The following LTO1 variants were observed in gnomAD, a reference collection of about 807,000 sequenced individuals.
LTO1 encodes LTO1 maturation factor of ABCE1.
Under a neutral mutation model 19.8 loss-of-function variants are expected in LTO1, and 18 were observed. That is an observed-to-expected ratio of 0.91 (90% CI 0.63 to 1.35). LTO1 has a LOEUF of 1.35. LTO1 is among the 40% of genes most tolerant of loss of function. The pLI is 0.00. For synonymous variants in LTO1, 59 were observed against 59.6 expected (o/e 0.99, Z 0.05); for missense variants, 175 against 167.9 (o/e 1.04, Z -0.23).
chr11:69,670,830 T>C (rs1856098896), intron 3 of LTO1, among the ~76,000 whole-genome samples: 1 of 152,300 alleles, frequency 6.6e-6, no homozygotes, highest in Middle Eastern at 3.4e-3. Context: ...CATTTCCAGC[T>C]TCAGAATGAA....
chr11:69,672,090 A>C (rs78639765), intron 2 of LTO1: 5,425 of 424,880 alleles, frequency 0.013, 269 homozygotes, highest in African/African-American at 0.1. Flanking sequence ...TTTCGTAACC[A>C]ACAGAATGTG....
intron 1 of LTO1, among the ~76,000 whole-genome samples, chr11:69,673,551 G>T (rs1016839472): frequency 6.6e-6 from 1 of 152,032 alleles, no homozygotes; most frequent in African/African-American, 2.4e-5. Context: ...CTACAACAAA[G>T]GGCTAAATTA....
intron 2 of LTO1, 115 bp downstream of exon 2, chr11:69,673,101 C>A (rs1257006128): frequency 2.6e-6 from 2 of 763,432 alleles, no homozygotes; most frequent in Non-Finnish European, 4.8e-6. Flanking sequence ...CCGCGCCCAT[C>A]CGGCACTGTG....
intron 3 of LTO1, among the ~76,000 whole-genome samples, chr11:69,670,463 C>T (rs886306633): frequency 4.6e-5 from 7 of 152,210 alleles, no homozygotes; most frequent in Admixed American, 1.3e-4. Context: ...CCCCAGCTGC[C>T]GGCCGCTGCC....
chr11:69,667,765 G>T, intron 4 of LTO1, 130 bp downstream of exon 4: 1 of 715,504 alleles, frequency 1.4e-6, no homozygotes. Context: ...AGGATGAGGC[G>T]CCTCTACGGA....
At chr11:69,669,080 G>A (rs1403477638) in intron 3 of LTO1, among the ~76,000 whole-genome samples, 2 of 151,876 alleles carry the variant, frequency 1.3e-5, no homozygotes, top group South Asian at 2.1e-4. Flanking sequence ...GCACAGAGTA[G>A]GTGCTCAATA....
At chr11:69,668,494 G>A (rs1771467066) in intron 3 of LTO1, 1 of 154,906 alleles carries the variant, frequency 6.5e-6, no homozygotes, top group Non-Finnish European at 1.4e-5. Flanking sequence ...CCTCCCCAGG[G>A]AGGAAACAGC....
At chr11:69,672,832 TCATCC>T in intron 2 of LTO1, 1 of 319,608 alleles carries the variant, frequency 3.1e-6, no homozygotes, top group Non-Finnish European at 6.2e-6. Context: ...AGATGGAGTT[TCATCC>T]TGTCGCCCAG....
chr11:69,675,075 A>G (rs757049143), intron 1 of LTO1, 115 bp downstream of exon 1: 3 of 912,314 alleles, frequency 3.3e-6, no homozygotes, highest in South Asian at 2.8e-5. Context: ...GCGCTCCCCA[A>G]TGCGCACGCC....
chr11:69,671,922 C>A, intron 2 of LTO1, 103 bp from the exon 3 acceptor site: 1 of 743,298 alleles, frequency 1.3e-6, no homozygotes, highest in Non-Finnish European at 2.4e-6. Flanking sequence ...GGCAGCGGTG[C>A]TTCTCACACT....
chr11:69,667,920 T>C lies in LTO1; in HGVS notation c.320A>G (p.Asp107Gly). ...PTYDKLHEDL[D>G]KIRGKFKQFC... Reference sequence around the variant, plus strand: ...CTGTTTAAATTTTCCTCTGATCTTGTCTAAGTCTTCATGGAGTTTATCGTA... The same window carrying C: ...CTGTTTAAATTTTCCTCTGATCTTGCCTAAGTCTTCATGGAGTTTATCGTA... The change falls in exon 4 of 5, where the codon GAC (aspartate) becomes GGC (glycine). Residue 107 changes from aspartate (D) to glycine (G), a missense_variant. By Grantham distance (94) the Asp-to-Gly change is moderately conservative. Transcript: ENST00000279147. 1 of 1,556,348 alleles carries C rather than the reference T, an allele frequency of 6.4e-7. No individual in the cohort carries two copies. The highest frequency in any genetic ancestry group is 8.9e-7 in the Non-Finnish European group (1 of 1,127,188).
chr11:69,669,873 G>A lies in LTO1; in HGVS notation c.228-1861C>T, dbSNP rs890174955. On this transcript the variant is annotated intron_variant, in intron 3 of 4. Transcript: ENST00000279147. ...CTTTTGGCCTGAGATGCCGCTCTCC[G>A]TGGTTTCTTTGGTGTTACAATGCCC... Among the ~76,000 whole-genome samples, 11 of 152,196 alleles carry A rather than the reference G, an allele frequency of 7.2e-5. No individual in the cohort carries two copies. In the East Asian group the frequency reaches 7.7e-4, roughly 11 times the overall value.
Position 69,675,043 on chromosome 11 carries a change from T to G in LTO1, c.50+147A>C, listed in dbSNP as rs571587723. 120 of 728,664 alleles carry G rather than the reference T, an allele frequency of 1.6e-4. 1 individual carries two copies. In the African/African-American group the frequency reaches 1.8e-3, roughly 11 times the overall value. The allele number at this position is 728,664 out of a possible 1,614,324, so 45.1% of individuals were successfully genotyped here. A position where few individuals can be genotyped will look rare whatever the true frequency, so the allele number is the denominator to read the frequency against. ...GACCAGAGCATCAGGCCCACACTTG[T>G]CCCTGCGTCCACGGCCACCAGGCGC... On this transcript the variant is annotated intron_variant, in intron 1 of 4. Coordinates refer to ENST00000279147, the MANE Select transcript of LTO1 (RefSeq NM_153451.3).
In LTO1 at chr11:69,667,331, C is replaced by T; in HGVS notation, c.*188G>A. The T allele has an allele frequency of 1.7e-6, 1 of 600,348 alleles. No individual in the cohort carries two copies. The highest frequency in any genetic ancestry group is 3.0e-6 in the Non-Finnish European group (1 of 336,890). The allele number at this position is 600,348 out of a possible 1,614,324, so 37.2% of individuals were successfully genotyped here. On this transcript the variant is annotated 3_prime_UTR_variant, in exon 5 of 5. Coordinates refer to ENST00000279147, the MANE Select transcript of LTO1 (RefSeq NM_153451.3). ...ACAAAGGGCATGTGTGGCGAGGCCC[C>T]AAGACGGGCACCAAGGTGACACAGG...
chr11:69,671,366 A>C (rs1856107062), intron 3 of LTO1: 1 of 187,154 alleles, frequency 5.3e-6, no homozygotes, highest in Non-Finnish European at 1.1e-5. Context: ...CTCTGAGCCC[A>C]AGTGATACAA....
chr11:69,667,904 T>G lies in LTO1; in HGVS notation c.336A>C (p.Lys112Asn). 1.3e-6 allele frequency: 2 copies of G among 1,487,358 alleles called. No homozygotes were observed. Among genetic ancestry groups the G allele is most frequent in the Non-Finnish European group, 1.9e-6 (2 of 1,064,258 alleles). 92.1% of individuals were successfully genotyped at this position (1,487,358 alleles called of 1,614,324 possible). A position where few individuals can be genotyped will look rare whatever the true frequency, so the allele number is the denominator to read the frequency against. ...CACACAGTGCACGCACCTGTTTAAA[T>G]TTTCCTCTGATCTTGTCTAAGTCTT... ...LHEDLDKIRG[K>N]FKQFCSLLNV... The change falls in exon 4 of 5, where the codon AAA becomes AAC. Residue 112 changes from lysine to asparagine, a missense_variant. Physicochemically the swap from Lys to Asn is moderately conservative, Grantham distance 94. Transcript: ENST00000279147.
intron 2 of LTO1, chr11:69,672,898 G>A (rs1856127124): frequency 2.7e-6 from 1 of 375,910 alleles, no homozygotes; most frequent in African/African-American, 2.1e-5. Context: ...TGCCTCCCAG[G>A]TTCAAGCGAG....
chr11:69,668,174 T>G, intron 3 of LTO1, 162 bp from the exon 4 acceptor site: 1 of 618,642 alleles, frequency 1.6e-6, no homozygotes. Flanking sequence ...TCATATTTAT[T>G]TACCTAGCAA....
chr11:69,667,866 T>A (rs1450086879), intron 4 of LTO1, 29 bp downstream of exon 4: 1 of 1,092,882 alleles, frequency 9.2e-7, no homozygotes, highest in Admixed American at 1.7e-5. Context: ...CAGGTGCTCC[T>A]AGCAGGAGGA....
Sources: allele counts gnomAD v4.1 joint callset (sites outside exome capture counted in the v4.1 genomes callset), GRCh38; gene constraint gnomAD v4.1.1; transcripts MANE v1.5; gene names NCBI Gene and HGNC (gene_info 2026-07-23, HGNC 2026-07-21).